Variants in HMGCLL1 observed in about 807,000 individuals in gnomAD.
HMGCLL1 encodes the protein 3-hydroxy-3-methylglutaryl-CoA lyase like 1.
HMGCLL1 carries 36 observed loss-of-function variants against 39.1 expected under a neutral mutation model. The observed-to-expected ratio is 0.92, with a 90% CI of 0.71 to 1.22. The LOEUF (loss-of-function observed/expected upper bound fraction) is 1.22, where lower values mean the gene tolerates loss of function less well. Ranked by LOEUF, HMGCLL1 falls within the 50% of genes most tolerant of loss-of-function variation. HMGCLL1 has a pLI of 0.00. For synonymous variants in HMGCLL1, 149 were observed against 144.0 expected (o/e 1.03, Z -0.25); for missense variants, 451 against 416.5 (o/e 1.08, Z -0.72).
the HMGCLL1 span, among the ~76,000 whole-genome samples, chr6:55,599,358 T>C: frequency 1.3e-5 from 2 of 152,204 alleles, no homozygotes; most frequent in Admixed American, 6.6e-5. Flanking sequence ...AACTTAGATA[T>C]AAGCCAGCAT....
chr6:55,465,330 C>A (rs191423688), intron 7 of HMGCLL1, among the ~76,000 whole-genome samples: 1 of 151,988 alleles, frequency 6.6e-6, no homozygotes, highest in East Asian at 1.9e-4. Flanking sequence ...ACTTCACACA[C>A]CCAAAATCAG....
chr6:55,659,915 T>C, the HMGCLL1 span, among the ~76,000 whole-genome samples: 10 of 151,824 alleles, frequency 6.6e-5, no homozygotes, highest in South Asian at 2.1e-4. Context: ...TATCATGCTC[T>C]GAATACATGT....
chr6:55,490,067 C>T (rs1280833037), intron 7 of HMGCLL1, among the ~76,000 whole-genome samples: 2 of 152,020 alleles, frequency 1.3e-5, no homozygotes, highest in African/African-American at 2.4e-5. Flanking sequence ...CCATATTCTC[C>T]GTCCTGTAAT....
chr6:55,544,324 G>A (rs1461205723), intron 1 of HMGCLL1, among the ~76,000 whole-genome samples: 1 of 152,076 alleles, frequency 6.6e-6, no homozygotes, highest in Non-Finnish European at 1.5e-5. Flanking sequence ...AACAGCCTTT[G>A]AAATAGTATA....
At chr6:55,584,805 C>T in the HMGCLL1 span, among the ~76,000 whole-genome samples, 3 of 151,924 alleles carry the variant, frequency 2.0e-5, no homozygotes, top group Non-Finnish European at 2.9e-5. Flanking sequence ...GCCAAGATAC[C>T]TATTGGGCAG....
At chr6:55,478,546 A>G (rs963903654) in intron 7 of HMGCLL1, among the ~76,000 whole-genome samples, 1 of 151,622 alleles carries the variant, frequency 6.6e-6, no homozygotes, top group Admixed American at 6.6e-5. Context: ...TTAAAAATGT[A>G]TTACGAAAAT....
At chr6:55,472,760 A>G (rs1025394978) in intron 7 of HMGCLL1, among the ~76,000 whole-genome samples, 8 of 151,490 alleles carry the variant, frequency 5.3e-5, no homozygotes, top group African/African-American at 1.2e-4. Context: ...AATGTCAATT[A>G]AAACAAACTG....
intron 7 of HMGCLL1, among the ~76,000 whole-genome samples, chr6:55,482,839 C>A (rs1228076384): frequency 2.0e-5 from 3 of 151,792 alleles, no homozygotes; most frequent in African/African-American, 7.3e-5. Context: ...AAGGTTCCCC[C>A]CCAAGAAATT....
chr6:55,485,977 A>T (rs1766005901), intron 7 of HMGCLL1, among the ~76,000 whole-genome samples: 1 of 151,470 alleles, frequency 6.6e-6, no homozygotes, highest in African/African-American at 2.4e-5. Context: ...CATTAAAATT[A>T]TATTAAAATA....
Position 55,514,313 on chromosome 6 carries a change from A to C in HMGCLL1, c.394-117T>G. 4.3e-6 allele frequency: 3 copies of C among 702,186 alleles called. No homozygotes were observed. In the South Asian group the frequency reaches 7.0e-5, roughly 16 times the overall value. The allele number at this position is 702,186 out of a possible 1,614,324, so 43.5% of individuals were successfully genotyped here. A position where few individuals can be genotyped will look rare whatever the true frequency, so the allele number is the denominator to read the frequency against. ...ACATGTATTCTTTAATATTTGCCTT[A>C]GAATTTAAAATTGGATTCCTCTCAT... is the stretch of plus-strand genomic sequence containing the variant. On this transcript the variant is annotated intron_variant, in intron 4 of 8. Coordinates refer to ENST00000274901, the MANE Select transcript of HMGCLL1 (RefSeq NM_001042406.2).
At chr6:55,447,852 A>G (rs1007272318) in intron 7 of HMGCLL1, among the ~76,000 whole-genome samples, 19 of 152,170 alleles carry the variant, frequency 1.2e-4, no homozygotes, top group Admixed American at 2.6e-4. Context: ...ATCCAGGTTT[A>G]ACAACTGTGT....
chr6:55,582,796 T>C (rs80308914), upstream of HMGCLL1, among the ~76,000 whole-genome samples: 750 of 152,218 alleles, frequency 4.9e-3, 9 homozygotes, highest in African/African-American at 0.017. Context: ...ATACTTTTTG[T>C]TTTTCCCATT....
chr6:55,611,244 G>A, the HMGCLL1 span, among the ~76,000 whole-genome samples: 1 of 152,142 alleles, frequency 6.6e-6, no homozygotes, highest in African/African-American at 2.4e-5. Context: ...CAGAATCTCT[G>A]GAATGCAGTT....
At chr6:55,632,404 TATAG>T in the HMGCLL1 span, among the ~76,000 whole-genome samples, 1 of 149,914 alleles carries the variant, frequency 6.7e-6, no homozygotes, top group African/African-American at 2.4e-5. Context: ...ATATATATTA[TATAG>T]ATAATTTCTT....
At chr6:55,521,575 C>G (rs1345866521) in intron 3 of HMGCLL1, among the ~76,000 whole-genome samples, 1 of 151,940 alleles carries the variant, frequency 6.6e-6, no homozygotes, top group Non-Finnish European at 1.5e-5. Context: ...TTATGGTGAT[C>G]TGTGATCACT....
chr6:55,437,645 T>C (rs568972451), intron 8 of HMGCLL1, among the ~76,000 whole-genome samples: 22 of 152,174 alleles, frequency 1.4e-4, no homozygotes, highest in African/African-American at 4.8e-4. Flanking sequence ...GATTATGTGA[T>C]AGAGCACAGG....
chr6:55,501,082 T>C (rs1449692420), intron 5 of HMGCLL1, among the ~76,000 whole-genome samples: 1 of 143,636 alleles, frequency 7.0e-6, no homozygotes, highest in Admixed American at 7.1e-5. Context: ...CTCCAGGACA[T>C]TTCCATGCCT....
chr6:55,566,211 C>T (rs1046890554), intron 1 of HMGCLL1, among the ~76,000 whole-genome samples: 5 of 152,102 alleles, frequency 3.3e-5, no homozygotes, highest in African/African-American at 1.2e-4. Flanking sequence ...CACTCCACTT[C>T]CTTCAAGATC....
Position 55,506,439 on chromosome 6 carries a change from C to A in HMGCLL1, c.543-7140G>T, listed in dbSNP as rs146359301. ...TAAGAGTCCCATACTGGTAGAGTAG[C>A]CTTCCCTTATCTAAGGTTTTACTTT... On this transcript the variant is annotated intron_variant, in intron 5 of 8. Coordinates refer to ENST00000274901, the MANE Select transcript of HMGCLL1 (RefSeq NM_001042406.2). 5.4e-3 allele frequency among the ~76,000 whole-genome samples: 813 copies of A among 151,746 alleles called. 9 individuals are homozygous for A. Among genetic ancestry groups the A allele is most frequent in the African/African-American group, 0.019 (776 of 41,472 alleles).
Sources: gnomAD v4.1 joint callset for allele counts (sites outside exome capture counted in the v4.1 genomes callset) on GRCh38, gnomAD v4.1.1 for gene constraint, MANE v1.5 for transcripts, NCBI Gene and HGNC (gene_info 2026-07-23, HGNC 2026-07-21) for gene names.